Variants in METTL25 observed in about 807,000 individuals in gnomAD.
METTL25 encodes probable methyltransferase-like protein 25.
In METTL25, 64 loss-of-function variants were observed where a neutral mutation model predicts 71.6. That is an observed-to-expected ratio of 0.89 (90% CI 0.73 to 1.10). METTL25 has a LOEUF of 1.10. Ranked by LOEUF, METTL25 falls within the 50% of genes least tolerant of loss-of-function variation. The pLI is 0.00. For missense variants in METTL25, 807 were observed against 707.0 expected, an observed-to-expected ratio of 1.14 and a Z score of -1.60; for synonymous variants, 287 against 250.3, an observed-to-expected ratio of 1.15 and a Z score of -1.38.
chr12:82,477,387 T>C (rs749352208), intron 11 of METTL25, 35 bp downstream of exon 11: 3 of 1,152,694 alleles, frequency 2.6e-6, no homozygotes, highest in South Asian at 1.4e-5. Flanking sequence ...ACAACAAATA[T>C]CTTATTAAAT....
At chr12:82,454,980 T>G (rs1419082707) in intron 8 of METTL25, among the ~76,000 whole-genome samples, 1 of 151,900 alleles carries the variant, frequency 6.6e-6, no homozygotes. Flanking sequence ...GCTATTGATA[T>G]CCTCTTTTAA....
intron 8 of METTL25, among the ~76,000 whole-genome samples, chr12:82,441,954 A>G (rs986816052): frequency 6.6e-5 from 10 of 151,978 alleles, no homozygotes; most frequent in South Asian, 2.1e-4. Context: ...GAGGTATTAG[A>G]TAAGGCTGAG....
intron 5 of METTL25, among the ~76,000 whole-genome samples, chr12:82,416,701 G>T (rs1367227782): frequency 2.0e-5 from 3 of 151,886 alleles, no homozygotes; most frequent in Admixed American, 6.6e-5. Context: ...ACTCATGGAT[G>T]GGCTGAAGCA....
intron 9 of METTL25, among the ~76,000 whole-genome samples, chr12:82,472,058 G>A (rs1256117360): frequency 4.6e-5 from 7 of 152,100 alleles, no homozygotes; most frequent in South Asian, 2.1e-4. Context: ...TCTTTGAGAC[G>A]CAGTTGAGAT....
chr12:82,458,414 A>G (rs1251257879), intron 9 of METTL25, among the ~76,000 whole-genome samples: 1 of 152,204 alleles, frequency 6.6e-6, no homozygotes, highest in Admixed American at 6.5e-5. Context: ...AACTGGAAAG[A>G]CAGGCAAATA....
chr12:82,431,315 G>A (rs1239475173), intron 6 of METTL25, among the ~76,000 whole-genome samples: 2 of 151,434 alleles, frequency 1.3e-5, no homozygotes, highest in Admixed American at 1.3e-4. Flanking sequence ...AAAATATTAA[G>A]CTAATTGAGA....
intron 3 of METTL25, among the ~76,000 whole-genome samples, chr12:82,393,931 A>G (rs1238826141): frequency 6.6e-6 from 1 of 151,684 alleles, no homozygotes; most frequent in Non-Finnish European, 1.5e-5. Context: ...GGGTTTTGGT[A>G]TGTTGTGTTT....
intron 1 of METTL25, among the ~76,000 whole-genome samples, chr12:82,377,121 A>T (rs866148212): frequency 2.0e-5 from 3 of 152,184 alleles, no homozygotes; most frequent in African/African-American, 4.8e-5. Flanking sequence ...CTCAAAAAAA[A>T]AAAGAAAGAA....
rs761747897 is a variant in METTL25 at position 82,358,890 on chromosome 12, C to T, written c.259+66C>T. On this transcript the variant is annotated intron_variant, in intron 1 of 11. Transcript: ENST00000248306. ...AGAAGGTCCCGGCAGACGAAGCGAGCCCCCTGGTGGAAGCCAGCAGAACCA... is the reference window on the plus strand; with the variant it reads ...AGAAGGTCCCGGCAGACGAAGCGAGTCCCCTGGTGGAAGCCAGCAGAACCA... 3 of 1,529,236 alleles carry T rather than the reference C, an allele frequency of 2.0e-6. No homozygotes were observed. In the Admixed American group the frequency reaches 5.9e-5, roughly 30 times the overall value. 94.7% of individuals were successfully genotyped at this position (1,529,236 alleles called of 1,614,324 possible).
chr12:82,421,726 T>C (rs1888521366), intron 5 of METTL25, among the ~76,000 whole-genome samples: 1 of 151,952 alleles, frequency 6.6e-6, no homozygotes, highest in African/African-American at 2.4e-5. Flanking sequence ...TCACCACCGA[T>C]CCCACAGAAA....
At chr12:82,422,758 A>G (rs1408624021) in intron 5 of METTL25, among the ~76,000 whole-genome samples, 1 of 152,202 alleles carries the variant, frequency 6.6e-6, no homozygotes, top group East Asian at 1.9e-4. Flanking sequence ...AATAACAGAC[A>G]AACAGAGAGC....
chr12:82,460,945 C>A (rs968418193), intron 9 of METTL25, among the ~76,000 whole-genome samples: 9 of 152,128 alleles, frequency 5.9e-5, no homozygotes, highest in Non-Finnish European at 1.2e-4. Flanking sequence ...AGATGGAGAC[C>A]ATCCTGGCTA....
At chr12:82,424,363 G>A (rs187409122) in intron 5 of METTL25, among the ~76,000 whole-genome samples, 9,401 of 151,788 alleles carry the variant, frequency 0.062, 340 homozygotes, top group Middle Eastern at 0.12. Flanking sequence ...AGGAAGGGGA[G>A]CATCACACCC....
At chr12:82,430,363 T>G (rs2137144704) in intron 5 of METTL25, among the ~76,000 whole-genome samples, 1 of 151,598 alleles carries the variant, frequency 6.6e-6, no homozygotes, top group Admixed American at 6.6e-5. Context: ...TAGTTGAAAA[T>G]ATTACAGTCT....
At chr12:82,401,568 C>T (rs561875435) in intron 4 of METTL25, among the ~76,000 whole-genome samples, 3 of 151,748 alleles carry the variant, frequency 2.0e-5, no homozygotes, top group Admixed American at 6.6e-5. Flanking sequence ...GGCTTTTTCC[C>T]GAGACTGTGC....
intron 1 of METTL25, among the ~76,000 whole-genome samples, chr12:82,361,515 G>A (rs894156532): frequency 6.6e-6 from 1 of 152,180 alleles, no homozygotes. Context: ...CACGGTGGGG[G>A]GGAGGGGGAC....
chr12:82,369,422 C>A (rs1418663896), intron 1 of METTL25: 2 of 444,282 alleles, frequency 4.5e-6, no homozygotes, highest in Non-Finnish European at 9.0e-6. Flanking sequence ...AGAATGAAGC[C>A]ACGGACCTTT....
chr12:82,426,400 T>C (rs1386008934), intron 5 of METTL25, among the ~76,000 whole-genome samples: 1 of 152,098 alleles, frequency 6.6e-6, no homozygotes, highest in Non-Finnish European at 1.5e-5. Context: ...GAGCCAAGGC[T>C]GGCAGTTCCT....
chr12:82,448,560 TAAG>T (rs1890914171), intron 8 of METTL25, among the ~76,000 whole-genome samples: 1 of 152,150 alleles, frequency 6.6e-6, no homozygotes, highest in African/African-American at 2.4e-5. Flanking sequence ...TCTTGCATAA[TAAG>T]AAATGTATAC....
Sources: allele counts gnomAD v4.1 joint callset (sites outside exome capture counted in the v4.1 genomes callset), GRCh38; gene constraint gnomAD v4.1.1; transcripts MANE v1.5; gene names NCBI Gene and HGNC (gene_info 2026-07-23, HGNC 2026-07-21).